PTPRN2: variants seen among roughly 807,000 people sequenced by gnomAD.
PTPRN2 encodes receptor-type tyrosine-protein phosphatase N2.
A neutral mutation model predicts 118.8 loss-of-function variants in PTPRN2; 74 were observed. The observed-to-expected ratio is 0.62, with a 90% CI of 0.52 to 0.76. The LOEUF (loss-of-function observed/expected upper bound fraction) is 0.76. Ranked by LOEUF, PTPRN2 falls within the 30% of genes least tolerant of loss-of-function variation. PTPRN2 has a pLI of 0.00. For missense variants in PTPRN2, 1,481 were observed against 1,394.4 expected (o/e 1.06, Z -0.99); for synonymous variants, 641 against 608.0 (o/e 1.05, Z -0.80).
intron 12 of PTPRN2, among the ~76,000 whole-genome samples, chr7:157,771,610 G>A (rs144489965): frequency 5.3e-4 from 81 of 152,274 alleles, no homozygotes; most frequent in Admixed American, 2.2e-3. Context: ...CACGGCACAG[G>A]GAAAATGTGC....
At chr7:157,747,547 G>C (rs1269270535) in intron 12 of PTPRN2, among the ~76,000 whole-genome samples, 1 of 104,256 alleles carries the variant, frequency 9.6e-6, no homozygotes, top group African/African-American at 4.1e-5. Flanking sequence ...TCCCTGAGCT[G>C]TGGGCTGTTG....
chr7:158,338,265 C>A (rs1236432024), intron 2 of PTPRN2, among the ~76,000 whole-genome samples: 2 of 78,280 alleles, frequency 2.6e-5, no homozygotes, highest in African/African-American at 5.9e-5. Flanking sequence ...CACCCACACT[C>A]TCACCATAAG....
In PTPRN2 at chr7:157,585,922, A is replaced by G. The variant is rs1237627286; in HGVS notation, c.2497-7782T>C. Among the ~76,000 whole-genome samples the G allele has an allele frequency of 3.3e-5, 5 of 152,186 alleles. No homozygotes were observed. Among genetic ancestry groups the G allele is most frequent in the African/African-American group, 4.8e-5 (2 of 41,452 alleles). On this transcript the variant is annotated intron_variant, in intron 17 of 22. Transcript: ENST00000389418. This position sits in a 1 kb window ranked among gnomAD's most constrained non-coding sequence, Gnocchi z 5.2. ...TTAAATTCCGCATGTGTGCGGCGAG[A>G]GACTGACCGACCATCTTTGCACTGT...
rs1197466438 is a variant in PTPRN2, at chr7:158,270,806, T to TCCACCTGGGCCGCCCCCC, written c.277+46012_277+46013insGGGGGGCGGCCCAGGTGG. On this transcript the variant is annotated intron_variant, in intron 3 of 22. Transcript: ENST00000389418. Reference sequence around the variant, plus strand: ...CCACCCCTCCACCTGGACCACCCCCTCACCTGGACCGCCCCCTCCACCTGG... The same window carrying TCCACCTGGGCCGCCCCCC: ...CCACCCCTCCACCTGGACCACCCCCTCCACCTGGGCCGCCCCCCCACCTGGACCGCCCCCTCCACCTGG... Among the ~76,000 whole-genome samples the TCCACCTGGGCCGCCCCCC allele has an allele frequency of 9.4e-4, 6 of 6,414 alleles. 1 individual carries two copies. The highest frequency in any genetic ancestry group is 3.0e-3 in the African/African-American group (5 of 1,650). The allele number at this position is 6,414 out of a possible 152,430, so 4.2% of individuals were successfully genotyped here.
At chr7:157,758,513 T>G (rs1801942050) in intron 12 of PTPRN2, among the ~76,000 whole-genome samples, 1 of 152,184 alleles carries the variant, frequency 6.6e-6, no homozygotes, top group Non-Finnish European at 1.5e-5. Context: ...CAAGGTGGAC[T>G]TTGCACAAGG....
intron 6 of PTPRN2, among the ~76,000 whole-genome samples, chr7:158,151,348 C>T (rs1387663629): frequency 6.8e-5 from 9 of 131,412 alleles, no homozygotes; most frequent in South Asian, 2.6e-4. Context: ...CTGCCCACAC[C>T]GCCCGCCTTT....
intron 13 of PTPRN2, among the ~76,000 whole-genome samples, chr7:157,665,777 A>G (rs1318941347): frequency 6.6e-6 from 1 of 152,256 alleles, no homozygotes; most frequent in Non-Finnish European, 1.5e-5. Context: ...AATGTGGCAC[A>G]TATACACCAT....
At chr7:157,549,519 A>G (rs568354684) in intron 21 of PTPRN2, among the ~76,000 whole-genome samples, 1 of 152,214 alleles carries the variant, frequency 6.6e-6, no homozygotes, top group East Asian at 1.9e-4. Context: ...AATGTTCCAC[A>G]TTTTGGGACT....
chr7:157,943,628 C>G (rs538754609), intron 11 of PTPRN2, among the ~76,000 whole-genome samples: 13 of 151,980 alleles, frequency 8.6e-5, no homozygotes, highest in African/African-American at 3.1e-4. Context: ...GCTGAAACCC[C>G]CTCCCAAGAT....
chr7:158,318,927 G>A (rs1382656655), intron 2 of PTPRN2, among the ~76,000 whole-genome samples: 1 of 152,198 alleles, frequency 6.6e-6, no homozygotes, highest in Non-Finnish European at 1.5e-5. Context: ...CCCCTTCCCA[G>A]GCAACCTCAT....
intron 10 of PTPRN2, among the ~76,000 whole-genome samples, chr7:158,087,300 G>C (rs1813500335): frequency 6.6e-6 from 1 of 152,220 alleles, no homozygotes; most frequent in Admixed American, 6.5e-5. Flanking sequence ...GGAGGGGACT[G>C]TCTCTTTCCC....
At chr7:158,216,464 T>G (rs943733002) in intron 3 of PTPRN2, among the ~76,000 whole-genome samples, 1 of 151,838 alleles carries the variant, frequency 6.6e-6, no homozygotes, top group African/African-American at 2.4e-5. Flanking sequence ...ATACACTATA[T>G]GAAGCTCACT....
rs543537224 is a variant in PTPRN2 at position 158,267,109 on chromosome 7, C to T, written c.277+49710G>A. ...CCCGCGGCAGGTCCCGCCTGGCACTCGGGAAGCTCTTGCATTTAAGAGATC... is the reference window on the plus strand; with the variant it reads ...CCCGCGGCAGGTCCCGCCTGGCACTTGGGAAGCTCTTGCATTTAAGAGATC... On this transcript the variant is annotated intron_variant, in intron 3 of 22. Coordinates refer to ENST00000389418, the MANE Select transcript of PTPRN2 (RefSeq NM_002847.5). Among the ~76,000 whole-genome samples, 96 of 152,364 alleles carry T rather than the reference C, an allele frequency of 6.3e-4. 1 individual carries two copies. The highest frequency in any genetic ancestry group is 2.5e-3 in the South Asian group (12 of 4,822).
intron 16 of PTPRN2, among the ~76,000 whole-genome samples, chr7:157,595,528 A>G (rs111911936): frequency 0.13 from 8,040 of 60,434 alleles, 493 homozygotes; most frequent in East Asian, 0.26. Flanking sequence ...AGGAAGCCAG[A>G]AGGTTAGGAA....
Position 158,412,417 on chromosome 7 carries a change from A to G in PTPRN2, c.163+77318T>C, listed in dbSNP as rs545313587. On this transcript the variant is annotated intron_variant, in intron 2 of 22. Transcript: ENST00000389418. The stretch of plus-strand genomic sequence containing the variant: ...CCCATCCAGCGCCCTCCTCAGCACC[A>G]GGGCCCATCTCAGCACCCTCCTCAG... Among the ~76,000 whole-genome samples, 11 of 100,064 alleles carry G rather than the reference A, an allele frequency of 1.1e-4. No homozygotes were observed. The East Asian group carries it at 2.5e-3, about 23-fold the overall frequency. The allele number at this position is 100,064 out of a possible 152,430, so 65.6% of individuals were successfully genotyped here. A position where few individuals can be genotyped will look rare whatever the true frequency, so the allele number is the denominator to read the frequency against.
chr7:157,949,800 G>A (rs1329690857), intron 11 of PTPRN2, among the ~76,000 whole-genome samples: 1 of 152,224 alleles, frequency 6.6e-6, no homozygotes, highest in East Asian at 1.9e-4. Context: ...TAAGCACTGT[G>A]ACTGGAGAGG....
In PTPRN2 at chr7:157,842,696, T is replaced by C. The variant is rs530641571; in HGVS notation, c.1788+55977A>G. ...CCAAAGTGCTGGGATTACTTTCTCA[T>C]CTGGCCTCACAAGGGCACGTTAAGA... On this transcript the variant is annotated intron_variant, in intron 12 of 22. Transcript: ENST00000389418. Among the ~76,000 whole-genome samples, 144 of 152,238 alleles carry C rather than the reference T, an allele frequency of 9.5e-4. 2 individuals carry two copies. The South Asian group carries it at 0.011, about 11-fold the overall frequency.
In PTPRN2 at chr7:158,544,406, C is replaced by T. The variant is rs1230460675; in HGVS notation, c.112+43152G>A. On this transcript the variant is annotated intron_variant, in intron 1 of 22. Coordinates refer to ENST00000389418, the MANE Select transcript of PTPRN2 (RefSeq NM_002847.5). The surrounding 1 kb of genome is among the most constrained non-coding windows in gnomAD (Gnocchi z 4.2). Reference sequence around the variant, plus strand: ...ATCCCAGCACTTTGGGAGGCCAAGGCGGATGGATCACTTGAGGTCAGGAGT... The same window carrying T: ...ATCCCAGCACTTTGGGAGGCCAAGGTGGATGGATCACTTGAGGTCAGGAGT... 1.3e-5 allele frequency among the ~76,000 whole-genome samples: 2 copies of T among 152,060 alleles called. No homozygotes were observed. Among genetic ancestry groups the T allele is most frequent in the Non-Finnish European group, 2.9e-5 (2 of 68,004 alleles).
chr7:157,855,119 AGGAT>A (rs773066219), intron 12 of PTPRN2, among the ~76,000 whole-genome samples: 4,688 of 139,508 alleles, frequency 0.034, 146 homozygotes, highest in Non-Finnish European at 0.055. Flanking sequence ...CGGATCGGGG[AGGAT>A]GGCTGCACGG....
Sources: allele counts gnomAD v4.1 joint callset (sites outside exome capture counted in the v4.1 genomes callset), GRCh38; gene constraint gnomAD v4.1.1; non-coding constraint Gnocchi (gnomAD v3.1); transcripts MANE v1.5; gene names NCBI Gene and HGNC (gene_info 2026-07-23, HGNC 2026-07-21).